The following PDXDC1 variants were observed in gnomAD, a reference collection of about 807,000 sequenced individuals.
PDXDC1 encodes the protein pyridoxal dependent decarboxylase domain containing 1.
In PDXDC1, 42 loss-of-function variants were observed where a neutral mutation model predicts 100.1. The ratio of observed to expected loss-of-function variants is 0.42; its 90% CI spans 0.33 to 0.54. The LOEUF (loss-of-function observed/expected upper bound fraction) is 0.54. Ranked by LOEUF, PDXDC1 falls within the 20% of genes least tolerant of loss-of-function variation. The probability of loss-of-function intolerance (pLI) is 0.10; values close to 1 mark genes in which losing one functional copy is unlikely to be tolerated. For synonymous variants in PDXDC1, 260 were observed against 371.7 expected, an observed-to-expected ratio of 0.70 and a Z score of 3.46; for missense variants, 636 against 979.2, an observed-to-expected ratio of 0.65 and a Z score of 4.68.
chr16:15,068,868 G>C (rs566251652), intron 16 of PDXDC1, among the ~76,000 whole-genome samples: 1 of 152,046 alleles, frequency 6.6e-6, no homozygotes. Flanking sequence ...TATTTTAAGA[G>C]GCAAGCTGAC....
At chr16:15,133,307 T>A (rs1555482823) in intron 16 of PDXDC1, 1 of 1,570,044 alleles carries the variant, frequency 6.4e-7, no homozygotes, top group East Asian at 2.3e-5. Context: ...CTCGATGACG[T>A]GCTGGGGATC....
chr16:15,089,146 T>A (rs1206921089), intron 16 of PDXDC1, among the ~76,000 whole-genome samples: 1 of 150,878 alleles, frequency 6.6e-6, no homozygotes, highest in African/African-American at 2.4e-5. Context: ...CTACTGAAAA[T>A]ACAAAAAAAT....
chr16:15,078,756 C>T (rs1200234295), intron 16 of PDXDC1, among the ~76,000 whole-genome samples: 1 of 151,736 alleles, frequency 6.6e-6, no homozygotes, highest in African/African-American at 2.4e-5. Flanking sequence ...CCACCAGCAA[C>T]TGAACCTGGC....
At chr16:15,150,126 C>T in the PDXDC1 span, among the ~76,000 whole-genome samples, 6 of 152,084 alleles carry the variant, frequency 3.9e-5, no homozygotes, top group Admixed American at 2.6e-4. Flanking sequence ...GGGTGGATCA[C>T]GAGGTCAGGA....
At chr16:15,028,357 C>T in intron 14 of PDXDC1, among the ~76,000 whole-genome samples, 1 of 152,410 alleles carries the variant, frequency 6.6e-6, no homozygotes, top group East Asian at 1.9e-4. Context: ...GAGGGGACTC[C>T]ATCATTTTCT....
At chr16:15,124,261 G>A (rs1280814353) in intron 16 of PDXDC1, among the ~76,000 whole-genome samples, 1 of 152,162 alleles carries the variant, frequency 6.6e-6, no homozygotes. Context: ...TCCTGGCCCT[G>A]TCCTCAGCTA....
rs919053083 is a variant in PDXDC1 at position 15,111,509 on chromosome 16, T to C, written c.1400-27370T>C. ...GTGTGGTAGCTCACGCCTGTAATCCTAGCACTTTGGGAGGCCGAGGCGGGT... is the reference window on the plus strand; with the variant it reads ...GTGTGGTAGCTCACGCCTGTAATCCCAGCACTTTGGGAGGCCGAGGCGGGT... On this transcript the variant is annotated intron_variant, in intron 16 of 16. Coordinates refer to the PDXDC1 transcript ENST00000535621. 6.5e-3 allele frequency among the ~76,000 whole-genome samples: 950 copies of C among 145,070 alleles called. 33 individuals are homozygous for C. Among genetic ancestry groups the C allele is most frequent in the Non-Finnish European group, 9.4e-3 (616 of 65,504 alleles).
Position 15,036,103 on chromosome 16 carries a change from T to TGG in PDXDC1, c.2196_2197dup (p.Glu733GlyfsTer50), listed in dbSNP as rs1567737115. ...AGTCACATTGAAGACTTAGAAAAGG[T>TGG]GGAGCGCCTATCCAGTGGGCCGGAG... On this transcript the variant is annotated frameshift_variant, in exon 23 of 23. Coordinates refer to ENST00000396410, the MANE Select transcript of PDXDC1 (RefSeq NM_015027.4). LOFTEE classifies it low-confidence loss of function (END_TRUNC). 1 of 1,614,094 alleles carries TGG rather than the reference T, an allele frequency of 6.2e-7. No homozygotes were observed. The highest frequency in any genetic ancestry group is 8.5e-7 in the Non-Finnish European group (1 of 1,180,028).
intron 16 of PDXDC1, among the ~76,000 whole-genome samples, chr16:15,128,680 C>T (rs1330799617): frequency 6.6e-6 from 1 of 152,088 alleles, no homozygotes; most frequent in East Asian, 1.9e-4. Flanking sequence ...GCACTGCACA[C>T]CTGTCCACGC....
At chr16:15,124,625 A>C (rs1431562046) in intron 16 of PDXDC1, among the ~76,000 whole-genome samples, 2 of 149,682 alleles carry the variant, frequency 1.3e-5, no homozygotes, top group African/African-American at 4.9e-5. Flanking sequence ...TACAAAAATT[A>C]GCCGGGTGCG....
intron 16 of PDXDC1, among the ~76,000 whole-genome samples, chr16:15,082,217 T>G (rs1267536275): frequency 6.6e-6 from 1 of 152,154 alleles, no homozygotes; most frequent in Non-Finnish European, 1.5e-5. Context: ...TAGCTGTGGG[T>G]TTTTCAGATG....
intron 16 of PDXDC1, among the ~76,000 whole-genome samples, chr16:15,090,280 G>A (rs1004305330): frequency 1.3e-5 from 2 of 152,126 alleles, no homozygotes; most frequent in African/African-American, 4.8e-5. Context: ...AATTACTACA[G>A]TGATAAGAAC....
intron 16 of PDXDC1, among the ~76,000 whole-genome samples, chr16:15,111,243 G>A (rs2047046452): frequency 6.8e-6 from 1 of 146,200 alleles, no homozygotes; most frequent in South Asian, 2.2e-4. Context: ...GATCACCTGA[G>A]GTCGGGAGTT....
intron 11 of PDXDC1, among the ~76,000 whole-genome samples, chr16:15,018,578 G>A (rs556350385): frequency 8.5e-5 from 13 of 152,378 alleles, no homozygotes; most frequent in Admixed American, 3.3e-4. Flanking sequence ...TAGGTTCTGG[G>A]ATGTGACCCA....
chr16:14,988,540 T>C, intron 1 of PDXDC1: 1 of 1,613,696 alleles, frequency 6.2e-7, no homozygotes. Context: ...ACCGAGAAGG[T>C]GTGGCCCGTG....
intron 16 of PDXDC1, among the ~76,000 whole-genome samples, chr16:15,092,843 C>G (rs560089865): frequency 6.6e-6 from 1 of 152,262 alleles, no homozygotes; most frequent in East Asian, 1.9e-4. Flanking sequence ...TCTTTAAGAT[C>G]CTACATTAAT....
chr16:15,043,274 G>A (rs1016637994), downstream of PDXDC1, among the ~76,000 whole-genome samples: 3 of 152,200 alleles, frequency 2.0e-5, no homozygotes, highest in African/African-American at 7.2e-5. Flanking sequence ...GACCTTAGGT[G>A]ATCCACCTGC....
chr16:15,102,409 G>A (rs1253371094), intron 16 of PDXDC1, among the ~76,000 whole-genome samples: 4 of 151,960 alleles, frequency 2.6e-5, no homozygotes, highest in Non-Finnish European at 5.9e-5. Context: ...CCTGGGCTGA[G>A]GCCTAAGGGT....
intron 16 of PDXDC1, chr16:15,094,456 A>G: frequency 1.7e-6 from 1 of 582,678 alleles, no homozygotes; most frequent in East Asian, 2.9e-5. Context: ...GAGTATAAGG[A>G]GAGACGGGAA....
Sources: allele counts gnomAD v4.1 joint callset (sites outside exome capture counted in the v4.1 genomes callset), GRCh38; gene constraint gnomAD v4.1.1; transcripts MANE v1.5; gene names NCBI Gene and HGNC (gene_info 2026-07-23, HGNC 2026-07-21).